MKLN1: variants seen among roughly 807,000 people sequenced by gnomAD.
MKLN1 encodes the protein muskelin.
In MKLN1, 18 loss-of-function variants were observed where a neutral mutation model predicts 99.0. The observed-to-expected ratio is 0.18, with a 90% confidence interval of 0.13 to 0.27. The LOEUF is 0.27. MKLN1 is among the 10% of genes least tolerant of loss of function. The pLI, the probability that MKLN1 is intolerant of heterozygous loss-of-function variation, is 1.00. For synonymous variants in MKLN1, 288 were observed against 293.2 expected (o/e 0.98, Z 0.18); for missense variants, 621 against 875.9 (o/e 0.71, Z 3.67).
chr7:131,264,235 G>T (rs1797775329), intron 3 of MKLN1, among the ~76,000 whole-genome samples: 1 of 152,064 alleles, frequency 6.6e-6, no homozygotes, highest in African/African-American at 2.4e-5. Flanking sequence ...ATCTTTTATG[G>T]CATTTTAAAA....
At position 131,115,296 on chromosome 7, in the gene MKLN1, T is replaced by C. The variant is rs1795257462; in HGVS notation, c.-419+5089T>C. 2.0e-5 allele frequency among the ~76,000 whole-genome samples: 3 copies of C among 152,342 alleles called. No individual in the cohort carries two copies. The South Asian group carries it at 6.2e-4, about 32-fold the overall frequency. ...CCAATTGCTCAACACAAAAAGCATG[T>C]AGATATTCTTGATTCTTCTCTTTTC... is the stretch of plus-strand genomic sequence containing the variant. On this transcript the variant is annotated intron_variant, in intron 1 of 7. Coordinates refer to the MKLN1 transcript ENST00000416992.
At chr7:131,210,694 C>T (rs1407704675) in intron 3 of MKLN1, among the ~76,000 whole-genome samples, 52 of 66,604 alleles carry the variant, frequency 7.8e-4, no homozygotes, top group African/African-American at 3.0e-3. Context: ...TCGACTGAGA[C>T]CCTGTCTCAG....
At chr7:131,328,107 G>C in intron 1 of MKLN1, 110 bp downstream of exon 1, 1 of 1,337,732 alleles carries the variant, frequency 7.5e-7, no homozygotes, top group Non-Finnish European at 1.0e-6. Context: ...GGGGCCTGCT[G>C]AGGGGGACGT....
At chr7:131,149,699 C>G (rs1795862317) in intron 2 of MKLN1, among the ~76,000 whole-genome samples, 1 of 152,166 alleles carries the variant, frequency 6.6e-6, no homozygotes, top group African/African-American at 2.4e-5. Context: ...AGAGTGGGCC[C>G]CACTGGCATT....
chr7:131,268,545 T>C (rs1361662513), intron 3 of MKLN1, among the ~76,000 whole-genome samples: 3 of 152,190 alleles, frequency 2.0e-5, no homozygotes, highest in East Asian at 1.9e-4. Flanking sequence ...TTCTTCCATC[T>C]TGGGGCTCTG....
intron 3 of MKLN1, among the ~76,000 whole-genome samples, chr7:131,239,459 A>G (rs2116490807): frequency 6.6e-6 from 1 of 152,164 alleles, no homozygotes. Context: ...AGCTAGGGCT[A>G]TAGGTACATG....
intron 1 of MKLN1, among the ~76,000 whole-genome samples, chr7:131,345,086 A>T (rs922544583): frequency 6.6e-6 from 1 of 152,218 alleles, no homozygotes; most frequent in African/African-American, 2.4e-5. Flanking sequence ...GATTACAGGC[A>T]TGAGCCACCG....
chr7:131,202,851 A>G (rs1212183940), intron 2 of MKLN1: 1 of 152,188 alleles, frequency 6.6e-6, no homozygotes, highest in Non-Finnish European at 1.5e-5. Flanking sequence ...CACCAACTAA[A>G]TTTAGTTTCT....
chr7:131,118,787 C>T (rs908982305), intron 1 of MKLN1, among the ~76,000 whole-genome samples: 1 of 152,128 alleles, frequency 6.6e-6, no homozygotes, highest in African/African-American at 2.4e-5. Flanking sequence ...TAAACAAGCA[C>T]ATATCTTGAG....
At chr7:131,422,487 G>A (rs184081336) in intron 8 of MKLN1, among the ~76,000 whole-genome samples, 5 of 152,246 alleles carry the variant, frequency 3.3e-5, no homozygotes, top group Admixed American at 6.5e-5. Context: ...CCAGAAGTTC[G>A]AGGCTGCAGT....
chr7:131,389,453 T>G (rs1408843810), intron 4 of MKLN1, among the ~76,000 whole-genome samples: 2 of 152,106 alleles, frequency 1.3e-5, no homozygotes. Flanking sequence ...TTCTTTTATT[T>G]TATTTATTTA....
chr7:131,226,615 G>C (rs1193119256), intron 3 of MKLN1, among the ~76,000 whole-genome samples: 1 of 152,162 alleles, frequency 6.6e-6, no homozygotes, highest in East Asian at 1.9e-4. Context: ...TTCACTATTG[G>C]AGTTTTTTCT....
At chr7:131,429,289 T>C in intron 9 of MKLN1, 144 bp downstream of exon 9, 2 of 536,064 alleles carry the variant, frequency 3.7e-6, no homozygotes, top group South Asian at 3.4e-5. Context: ...TTTTAAGTAC[T>C]CTTGAATTTC....
intron 3 of MKLN1, among the ~76,000 whole-genome samples, chr7:131,213,934 T>TA (rs1159554317): frequency 2.0e-5 from 3 of 152,170 alleles, no homozygotes; most frequent in African/African-American, 7.2e-5. Flanking sequence ...TTTAAAGTGG[T>TA]AAAATGTATC....
chr7:131,192,032 ATG>A (rs201076795), intron 2 of MKLN1, among the ~76,000 whole-genome samples: 8,524 of 126,780 alleles, frequency 0.067, 644 homozygotes, highest in Non-Finnish European at 0.082. Context: ...CTGTGTGTGT[ATG>A]TGTGTGTGTA....
chr7:131,111,132 T>G (rs1795190708), intron 1 of MKLN1, among the ~76,000 whole-genome samples: 1 of 152,154 alleles, frequency 6.6e-6, no homozygotes, highest in African/African-American at 2.4e-5. Context: ...AAAACATCAT[T>G]TTTTTTATGT....
At chr7:131,460,614 A>T (rs945200558) in intron 12 of MKLN1, among the ~76,000 whole-genome samples, 1 of 152,134 alleles carries the variant, frequency 6.6e-6, no homozygotes, top group Non-Finnish European at 1.5e-5. Flanking sequence ...CTCACAATCT[A>T]CTTCTTCTCT....
In MKLN1 at chr7:131,487,803, G is replaced by T; in HGVS notation, c.*75G>T. The T allele has an allele frequency of 6.5e-7, 1 of 1,543,232 alleles. No homozygotes were observed. Among genetic ancestry groups the T allele is most frequent in the East Asian group, 2.3e-5 (1 of 44,318 alleles). Reference sequence around the variant, plus strand: ...CTTTTGGATTGCAGCTCCACTGACTGACAGTAAAGCTGCAGTGATTGAGGA... The same window carrying T: ...CTTTTGGATTGCAGCTCCACTGACTTACAGTAAAGCTGCAGTGATTGAGGA... On this transcript the variant is annotated 3_prime_UTR_variant, in exon 18 of 18. Transcript: ENST00000352689. This position sits in a 1 kb window ranked among gnomAD's most constrained non-coding sequence, Gnocchi z 4.7.
At chr7:131,352,417 GC>G (rs1389990640) in intron 1 of MKLN1, among the ~76,000 whole-genome samples, 1 of 152,110 alleles carries the variant, frequency 6.6e-6, no homozygotes, top group East Asian at 1.9e-4. Context: ...AGGTGATAGA[GC>G]TAGGAAATAA....
Sources: allele counts gnomAD v4.1 joint callset (sites outside exome capture counted in the v4.1 genomes callset), GRCh38; gene constraint gnomAD v4.1.1; non-coding constraint Gnocchi (gnomAD v3.1); transcripts MANE v1.5; gene names NCBI Gene and HGNC (gene_info 2026-07-23, HGNC 2026-07-21).